Variants in DUSP10 observed in about 807,000 individuals in gnomAD.
DUSP10 encodes dual specificity phosphatase 10.
DUSP10 carries 14 observed loss-of-function variants against 30.8 expected under a neutral mutation model. The observed-to-expected ratio is 0.46, with a 90% CI of 0.30 to 0.71. The LOEUF (loss-of-function observed/expected upper bound fraction) is 0.71. Ranked by LOEUF, DUSP10 falls within the 30% of genes least tolerant of loss-of-function variation. The pLI is 0.08. For missense variants in DUSP10, 550 were observed against 619.4 expected (o/e 0.89, Z 1.19); for synonymous variants, 254 against 250.4 (o/e 1.01, Z -0.14).
At position 221,701,763 on chromosome 1, in the gene DUSP10, T is replaced by C. The variant is rs1419380740; in HGVS notation, c.*649A>G. On this transcript the variant is annotated 3_prime_UTR_variant, in exon 4 of 4. Transcript: ENST00000366899. ...TGCACAAGAAGCCAGTGAAGGCATA[T>C]AATGGTCAGTTCCTCACTATTTCAA... 1.3e-5 allele frequency: 2 copies of C among 150,976 alleles called. No individual in the cohort carries two copies. The highest frequency in any genetic ancestry group is 4.9e-5 in the African/African-American group (2 of 40,864). 9.4% of individuals were successfully genotyped at this position (150,976 alleles called of 1,614,324 possible).
In DUSP10 at chr1:221,739,779, C is replaced by G. The variant is rs1257066240; in HGVS notation, c.-35G>C. On this transcript the variant is annotated 5_prime_UTR_variant, in exon 2 of 4. It removes the in-frame stop codon of an upstream open reading frame in the 5' UTR. Transcript: ENST00000366899. ...GAAAACTGGCAATTCAAGAAGAACT[C>G]AAGACAGTCTGTAAAGAAGGGGAAG... The G allele has an allele frequency of 6.5e-7, 1 of 1,535,668 alleles. No individual in the cohort carries two copies. The highest frequency in any genetic ancestry group is 1.3e-5 in the South Asian group (1 of 78,468).
rs1310322094 is a variant in DUSP10, at chr1:221,738,965, C to T, written c.780G>A (p.Lys260=). The T allele has an allele frequency of 3.1e-6, 5 of 1,613,184 alleles. No homozygotes were observed. The African/African-American group carries it at 5.3e-5, about 17-fold the overall frequency. The change falls in exon 2 of 4, where the codon AAG becomes AAA. Residue 260 remains lysine, a synonymous_variant. Transcript: ENST00000366899. ...ACACCAGAGGTTCTTTGCCTTCTCT[C>T]TTCAGGGACTCGAGGACTATGTGAA... ...QPLHIVLESL[K]REGKEPLVLK...
At chr1:221,703,612 C>A (rs1460042362) in intron 3 of DUSP10, among the ~76,000 whole-genome samples, 1 of 152,168 alleles carries the variant, frequency 6.6e-6, no homozygotes, top group Non-Finnish European at 1.5e-5. Context: ...GGAATCCCAG[C>A]AATGGCTCAA....
At chr1:221,703,072 C>CT (rs1031786714) in intron 3 of DUSP10, among the ~76,000 whole-genome samples, 2 of 151,392 alleles carry the variant, frequency 1.3e-5, no homozygotes, top group African/African-American at 4.9e-5. Context: ...GTCTTGTTCT[C>CT]TTTTTTTCTG....
intron 2 of DUSP10, among the ~76,000 whole-genome samples, chr1:221,730,036 C>T (rs1464366523): frequency 1.3e-5 from 2 of 152,052 alleles, no homozygotes; most frequent in Admixed American, 6.5e-5. Flanking sequence ...CACCCTAAGA[C>T]CCTCAACCCT....
chr1:221,706,095 C>T lies in DUSP10; in HGVS notation c.1183G>A (p.Glu395Lys). The T allele has an allele frequency of 6.2e-7, 1 of 1,610,966 alleles. No homozygotes were observed. The highest frequency in any genetic ancestry group is 1.1e-5 in the South Asian group (1 of 90,834). Residue 395 changes from glutamate (E) to lysine (K), a missense_variant and splice_region_variant, in exon 3 of 4, where the codon GAG becomes AAG. By Grantham distance (56) the Glu-to-Lys change is moderately conservative (BLOSUM62 1). Coordinates refer to ENST00000366899, the MANE Select transcript of DUSP10 (RefSeq NM_007207.6). This position sits in a 1 kb window ranked among gnomAD's most constrained non-coding sequence, Gnocchi z 4.6. ...AAAATTCCCTATGGGAGATAGTTAC[C>T]AATGAACTCAAAAGCCTCTTCAAAG... ...QYFEEAFEFI[E>K]EAHQCGKGLL...
intron 2 of DUSP10, among the ~76,000 whole-genome samples, chr1:221,724,513 A>G (rs964857191): frequency 3.9e-5 from 6 of 152,146 alleles, no homozygotes; most frequent in African/African-American, 1.2e-4. Flanking sequence ...TCTGGTATAT[A>G]TTTTACACCT....
At chr1:221,703,470 C>T (rs1195982583) in intron 3 of DUSP10, among the ~76,000 whole-genome samples, 1 of 152,150 alleles carries the variant, frequency 6.6e-6, no homozygotes, top group Non-Finnish European at 1.5e-5. Flanking sequence ...CAGCTTCTCC[C>T]CAGAAAATCC....
chr1:221,729,811 T>C (rs1185353495), intron 2 of DUSP10, among the ~76,000 whole-genome samples: 2 of 152,218 alleles, frequency 1.3e-5, no homozygotes, highest in African/African-American at 4.8e-5. Flanking sequence ...TTTAAAGTCT[T>C]ATCATAAAAA....
At position 221,713,458 on chromosome 1, in the gene DUSP10, T is replaced by C. The variant is rs144544651; in HGVS notation, c.812-6992A>G. Among the ~76,000 whole-genome samples the C allele has an allele frequency of 9.0e-3, 1,366 of 152,334 alleles. 16 individuals carry two copies. Among genetic ancestry groups the C allele is most frequent in the African/African-American group, 0.031 (1,308 of 41,576 alleles). On this transcript the variant is annotated intron_variant, in intron 2 of 3. Transcript: ENST00000366899. Reference sequence around the variant, plus strand: ...AATAGCCAAAAATACATTTCTGGTATATTCTCTAAAAATATATGCATACTT... The same window carrying C: ...AATAGCCAAAAATACATTTCTGGTACATTCTCTAAAAATATATGCATACTT...
chr1:221,741,503 T>A (rs1393702424), intron 1 of DUSP10, among the ~76,000 whole-genome samples: 2 of 152,106 alleles, frequency 1.3e-5, no homozygotes, highest in African/African-American at 4.8e-5. Context: ...CCATCCAGTC[T>A]GGCCCAGAAA....
chr1:221,714,384 C>G (rs1464297583), intron 2 of DUSP10, among the ~76,000 whole-genome samples: 1 of 152,174 alleles, frequency 6.6e-6, no homozygotes, highest in African/African-American at 2.4e-5. Context: ...AAACTGAGAG[C>G]TCGCACGTGT....
rs76121303 is a variant in DUSP10 at position 221,735,395 on chromosome 1, A to T, written c.811+3539T>A. Among the ~76,000 whole-genome samples the T allele has an allele frequency of 7.3e-3, 1,116 of 152,330 alleles. 7 individuals are homozygous for T. The highest frequency in any genetic ancestry group is 0.012 in the Non-Finnish European group (823 of 68,012). ...TGCCAGTCAGTCACAGAGGGATTCG[A>T]AGTTGAAAAGCACTTAAAAATGGGT... On this transcript the variant is annotated intron_variant, in intron 2 of 3. Coordinates refer to ENST00000366899, the MANE Select transcript of DUSP10 (RefSeq NM_007207.6).
chr1:221,719,662 G>A lies in DUSP10; in HGVS notation c.812-13196C>T, dbSNP rs142510680. On this transcript the variant is annotated intron_variant, in intron 2 of 3. Coordinates refer to ENST00000366899, the MANE Select transcript of DUSP10 (RefSeq NM_007207.6). The stretch of plus-strand genomic sequence containing the variant: ...CAACCTGGGGCACGCAGAATGAAGC[G>A]CTGACCTGGGATGCATCCCGTATCT... 1.8e-4 allele frequency among the ~76,000 whole-genome samples: 27 copies of A among 152,298 alleles called. No individual in the cohort carries two copies. In the East Asian group the frequency reaches 4.4e-3, roughly 25 times the overall value.
chr1:221,705,183 C>T (rs1660720027), intron 3 of DUSP10, among the ~76,000 whole-genome samples: 1 of 150,600 alleles, frequency 6.6e-6, no homozygotes, highest in African/African-American at 2.4e-5. Context: ...GATCTCAGCT[C>T]ACTGCAACCT....
chr1:221,717,739 C>T (rs1244781301), intron 2 of DUSP10, among the ~76,000 whole-genome samples: 1 of 152,116 alleles, frequency 6.6e-6, no homozygotes, highest in African/African-American at 2.4e-5. Flanking sequence ...TTTTTCTCTG[C>T]CTTGTGAGGG....
At chr1:221,732,863 G>A (rs1182312971) in intron 2 of DUSP10, among the ~76,000 whole-genome samples, 1 of 152,172 alleles carries the variant, frequency 6.6e-6, no homozygotes, top group Non-Finnish European at 1.5e-5. Flanking sequence ...ATCACCTTCA[G>A]GTGATACCAA....
intron 2 of DUSP10, among the ~76,000 whole-genome samples, chr1:221,707,115 T>C (rs1660793668): frequency 6.6e-6 from 1 of 152,194 alleles, no homozygotes; most frequent in South Asian, 2.1e-4. Context: ...TTGAGTGCAA[T>C]TGTGAGCCTG....
intron 2 of DUSP10, among the ~76,000 whole-genome samples, chr1:221,724,883 G>A (rs558288910): frequency 2.1e-4 from 32 of 152,120 alleles, no homozygotes; most frequent in Non-Finnish European, 4.0e-4. Context: ...CTCTCTGATC[G>A]ATTAACTACA....
Sources: allele counts gnomAD v4.1 joint callset (sites outside exome capture counted in the v4.1 genomes callset), GRCh38; gene constraint gnomAD v4.1.1; non-coding constraint Gnocchi (gnomAD v3.1); transcripts MANE v1.5; gene names NCBI Gene and HGNC (gene_info 2026-07-23, HGNC 2026-07-21).